SLC35D2: variants seen among roughly 807,000 people sequenced by gnomAD.
SLC35D2 encodes the protein solute carrier family 35 member D2, also known as nucleotide sugar transporter SLC35D2.
In SLC35D2, 43 loss-of-function variants were observed where a neutral mutation model predicts 41.8. The observed-to-expected ratio is 1.03, with a 90% CI of 0.81 to 1.33. SLC35D2 has a LOEUF of 1.33. Ranked by LOEUF, SLC35D2 falls within the 40% of genes most tolerant of loss-of-function variation. SLC35D2 has a pLI of 0.00. For synonymous variants in SLC35D2, 150 were observed against 163.9 expected, an observed-to-expected ratio of 0.92 and a Z score of 0.65; for missense variants, 380 against 408.4, an observed-to-expected ratio of 0.93 and a Z score of 0.60.
chr9:96,383,574 GCC>G lies in SLC35D2; in HGVS notation c.59_60del (p.Arg20ProfsTer65). The G allele has an allele frequency of 6.8e-7, 1 of 1,470,324 alleles. No homozygotes were observed. Among genetic ancestry groups the G allele is most frequent in the Non-Finnish European group, 9.0e-7 (1 of 1,109,438 alleles). The allele number at this position is 1,470,324 out of a possible 1,614,324, so 91.1% of individuals were successfully genotyped here. A position where few individuals can be genotyped will look rare whatever the true frequency, so the allele number is the denominator to read the frequency against. On this transcript the variant is annotated frameshift_variant, in exon 1 of 12. Transcript: ENST00000253270. LOFTEE classifies it high-confidence loss of function. ...AGCAGCCGGGCCACCCGCGAGGGCA[GCC>G]GCGCCGCGCCGGGCTCCCCGCCAGC... ...EGAGGEPGAA[R>X]LPSRVARLLS...
chr9:96,319,306 AAG>A (rs1355174956), downstream of SLC35D2, among the ~76,000 whole-genome samples: 2 of 152,116 alleles, frequency 1.3e-5, no homozygotes, highest in Non-Finnish European at 2.9e-5. Flanking sequence ...CAAACTCACA[AAG>A]AGAGTAGAAT....
downstream of SLC35D2, among the ~76,000 whole-genome samples, chr9:96,317,027 A>G (rs1222179764): frequency 6.6e-6 from 1 of 151,896 alleles, no homozygotes; most frequent in Non-Finnish European, 1.5e-5. Flanking sequence ...AGTCCCAGCT[A>G]CTGGGGAGGC....
chr9:96,317,613 T>G (rs919270638), downstream of SLC35D2, among the ~76,000 whole-genome samples: 1 of 152,244 alleles, frequency 6.6e-6, no homozygotes, highest in East Asian at 1.9e-4. Flanking sequence ...AGAATAAAAA[T>G]TAAAGATTTT....
chr9:96,368,752 A>G (rs1401934718), intron 1 of SLC35D2, among the ~76,000 whole-genome samples: 2 of 148,948 alleles, frequency 1.3e-5, no homozygotes, highest in Non-Finnish European at 3.0e-5. Flanking sequence ...CTCTCTCTCT[A>G]CATATATATA....
chr9:96,383,378 C>T, intron 1 of SLC35D2, 99 bp downstream of exon 1: 1 of 925,130 alleles, frequency 1.1e-6, no homozygotes, highest in Non-Finnish European at 1.5e-6. Flanking sequence ...TCGAGGGTCC[C>T]TGTCCCCACC....
At chr9:96,348,739 C>G (rs1829684880) in intron 6 of SLC35D2, among the ~76,000 whole-genome samples, 1 of 152,144 alleles carries the variant, frequency 6.6e-6, no homozygotes, top group Non-Finnish European at 1.5e-5. Flanking sequence ...CTACTCCAGG[C>G]TGGCTCTTGG....
At chr9:96,345,874 T>C (rs889893500) in intron 6 of SLC35D2, among the ~76,000 whole-genome samples, 13 of 152,270 alleles carry the variant, frequency 8.5e-5, no homozygotes, top group African/African-American at 3.1e-4. Flanking sequence ...ACCCCGTCCA[T>C]CAAAATGGCA....
intron 4 of SLC35D2, among the ~76,000 whole-genome samples, chr9:96,359,943 G>C (rs1025248508): frequency 2.6e-5 from 4 of 152,114 alleles, no homozygotes; most frequent in Non-Finnish European, 5.9e-5. Context: ...GTTCAGGCTT[G>C]AATATAATTT....
chr9:96,351,869 A>G (rs1425925604), intron 5 of SLC35D2, among the ~76,000 whole-genome samples, 169 bp downstream of exon 5: 3 of 152,340 alleles, frequency 2.0e-5, no homozygotes, highest in African/African-American at 7.2e-5. Context: ...CTTTTAAAAA[A>G]TCCCTCATTA....
chr9:96,368,428 T>A, intron 1 of SLC35D2, 123 bp from the exon 2 acceptor site: 2 of 812,052 alleles, frequency 2.5e-6, no homozygotes, highest in Non-Finnish European at 3.8e-6. Context: ...ATTGTTCACT[T>A]TTCATTTAAT....
intron 4 of SLC35D2, among the ~76,000 whole-genome samples, chr9:96,356,382 C>CTTTTTTTTTTTTT (rs199569097): frequency 2.0e-5 from 2 of 101,436 alleles, no homozygotes. Context: ...TTTATTTATT[C>CTTTTTTTTTTTTT]TTTTTTTTTT....
At chr9:96,374,670 T>TA (rs927081667) in intron 1 of SLC35D2, among the ~76,000 whole-genome samples, 1 of 147,846 alleles carries the variant, frequency 6.8e-6, no homozygotes, top group African/African-American at 2.5e-5. Flanking sequence ...CCATCTCTAC[T>TA]AAAAAAATAA....
chr9:96,321,330 C>G lies in SLC35D2; in HGVS notation c.926G>C (p.Gly309Ala), dbSNP rs1381749908. 10 of 1,612,998 alleles carry G rather than the reference C, an allele frequency of 6.2e-6. No homozygotes were observed. The highest frequency in any genetic ancestry group is 8.5e-6 in the Non-Finnish European group (10 of 1,179,214). Residue 309 changes from glycine to alanine, a missense_variant, in exon 12 of 12, where the codon GGC becomes GCC. Gly to Ala is a moderately conservative substitution (Grantham distance 60). Transcript: ENST00000253270. ...CAGTGTTAAAAAGGAATATCTCAAG[C>G]CCCCTGCCATGCTGAAAGGAGAAAA... Reference protein sequence around the residue: ...FVGLNICMAGGLRYSFLTLSS... With the variant: ...FVGLNICMAGALRYSFLTLSS...
chr9:96,329,104 A>C (rs1191951030), intron 9 of SLC35D2, among the ~76,000 whole-genome samples: 1 of 151,032 alleles, frequency 6.6e-6, no homozygotes, highest in African/African-American at 2.4e-5. Context: ...AAAAAAAAAA[A>C]GACATTATTT....
chr9:96,326,747 A>G (rs1341418355), intron 9 of SLC35D2, among the ~76,000 whole-genome samples: 2 of 150,830 alleles, frequency 1.3e-5, no homozygotes, highest in Non-Finnish European at 2.9e-5. Flanking sequence ...CGGAGGTTGC[A>G]GTGAGCCGGG....
At chr9:96,363,569 T>C (rs1830365526) in intron 3 of SLC35D2, among the ~76,000 whole-genome samples, 1 of 152,238 alleles carries the variant, frequency 6.6e-6, no homozygotes, top group Non-Finnish European at 1.5e-5. Context: ...GTTAGTTCCA[T>C]TCCACAGTCC....
intron 1 of SLC35D2, among the ~76,000 whole-genome samples, chr9:96,380,492 C>G (rs1831153386): frequency 6.6e-6 from 1 of 151,448 alleles, no homozygotes; most frequent in Non-Finnish European, 1.5e-5. Flanking sequence ...GAGTCTCACT[C>G]TATCGCCCAG....
intron 4 of SLC35D2, among the ~76,000 whole-genome samples, chr9:96,356,593 G>A (rs1331863780): frequency 6.6e-6 from 1 of 152,098 alleles, no homozygotes; most frequent in African/African-American, 2.4e-5. Context: ...AGCTGGCTGG[G>A]CATGGTGGCT....
chr9:96,370,699 C>A (rs896833150), intron 1 of SLC35D2, among the ~76,000 whole-genome samples: 2 of 151,830 alleles, frequency 1.3e-5, no homozygotes, highest in Admixed American at 1.3e-4. Context: ...AGTAAAATAA[C>A]AACAAAAAGG....
Sources: allele counts gnomAD v4.1 joint callset (sites outside exome capture counted in the v4.1 genomes callset), GRCh38; gene constraint gnomAD v4.1.1; transcripts MANE v1.5; gene names NCBI Gene and HGNC (gene_info 2026-07-23, HGNC 2026-07-21).